SV2C: variants seen among roughly 807,000 people sequenced by gnomAD.
The protein encoded by SV2C is solute carrier family 22 member B3.
A neutral mutation model predicts 79.7 loss-of-function variants in SV2C; 49 were observed. The observed-to-expected ratio is 0.61, with a 90% CI of 0.49 to 0.78. The LOEUF (loss-of-function observed/expected upper bound fraction) is 0.78, where lower values mean the gene tolerates loss of function less well. Among genes scored for constraint, SV2C ranks in the 30% least tolerant of loss-of-function variants. The probability of loss-of-function intolerance (pLI) is 0.00; values close to 1 mark genes in which losing one functional copy is unlikely to be tolerated. For synonymous variants in SV2C, 334 were observed against 333.2 expected (o/e 1.00, Z -0.03); for missense variants, 833 against 912.9 (o/e 0.91, Z 1.13).
At chr5:75,998,606 G>T in the SV2C span, among the ~76,000 whole-genome samples, 1 of 151,836 alleles carries the variant, frequency 6.6e-6, no homozygotes, top group African/African-American at 2.4e-5. Flanking sequence ...GAACATGATA[G>T]TGTGTGTGTG....
chr5:75,955,218 C>T, the SV2C span, among the ~76,000 whole-genome samples: 1 of 151,236 alleles, frequency 6.6e-6, no homozygotes, highest in Non-Finnish European at 1.5e-5. Context: ...TGGAACAGAA[C>T]AGAGCCCTCA....
chr5:76,049,186 A>C, the SV2C span, among the ~76,000 whole-genome samples: 1,778 of 152,010 alleles, frequency 0.012, 40 homozygotes, highest in African/African-American at 0.041. Context: ...AACTACAAAA[A>C]ATTAGCTAGG....
At chr5:76,086,068 C>A (rs28620) in intron 1 of SV2C, among the ~76,000 whole-genome samples, 80,330 of 151,896 alleles carry the variant, frequency 0.53, 21,894 homozygotes, top group East Asian at 0.72. Flanking sequence ...GAGAAATCAG[C>A]TTTATTTTTC....
At chr5:76,218,777 A>G (rs1168184574) in intron 4 of SV2C, among the ~76,000 whole-genome samples, 1 of 878 alleles carries the variant, frequency 1.1e-3, no homozygotes, top group Non-Finnish European at 2.3e-3. Context: ...AAATAAAATA[A>G]TACAATTGCT....
the SV2C span, among the ~76,000 whole-genome samples, chr5:75,969,049 C>A: frequency 1.3e-5 from 2 of 152,090 alleles, no homozygotes; most frequent in Admixed American, 6.5e-5. Flanking sequence ...GAATTTTCAA[C>A]CCAGAATTTC....
At chr5:75,872,968 A>T in the SV2C span, among the ~76,000 whole-genome samples, 1 of 152,114 alleles carries the variant, frequency 6.6e-6, no homozygotes, top group Non-Finnish European at 1.5e-5. Flanking sequence ...GTAGAAAAAC[A>T]TAAATATGTA....
chr5:75,862,077 C>T, the SV2C span, among the ~76,000 whole-genome samples: 1 of 152,104 alleles, frequency 6.6e-6, no homozygotes, highest in African/African-American at 2.4e-5. Context: ...TAAATAAGTT[C>T]CCATTATTTG....
intron 2 of SV2C, among the ~76,000 whole-genome samples, chr5:76,137,781 C>T (rs1189441461): frequency 6.6e-6 from 1 of 152,166 alleles, no homozygotes; most frequent in African/African-American, 2.4e-5. Flanking sequence ...CTTCTCTAGA[C>T]ATGCCAATTA....
In SV2C at chr5:76,207,174, A is replaced by AG. The variant is rs576284591; in HGVS notation, c.762-2562_762-2561insG. Among the ~76,000 whole-genome samples, 10 of 152,060 alleles carry AG rather than the reference A, an allele frequency of 6.6e-5. No individual in the cohort carries two copies. In the South Asian group the frequency reaches 2.1e-3, roughly 32 times the overall value. Reference sequence around the variant, plus strand: ...AATTATAGCCACACTGCAAAAAAAAAAAAGAAAGAAAGAAATTATAGCCAC... The same window carrying AG: ...AATTATAGCCACACTGCAAAAAAAAAGAAAGAAAGAAAGAAATTATAGCCAC... On this transcript the variant is annotated intron_variant, in intron 3 of 12. Transcript: ENST00000502798.
At chr5:76,299,790 C>T (rs150344935) in intron 10 of SV2C, among the ~76,000 whole-genome samples, 6 of 152,248 alleles carry the variant, frequency 3.9e-5, no homozygotes, top group South Asian at 2.1e-4. Flanking sequence ...CCTCAGAAGA[C>T]GAACATTTTG....
At chr5:76,353,102 A>G in intron 12 of SV2C, 1 of 380,710 alleles carries the variant, frequency 2.6e-6, no homozygotes, top group South Asian at 1.6e-5. Context: ...CACCATGCCC[A>G]GCTAATTTTT....
At chr5:76,072,591 T>C in the SV2C span, among the ~76,000 whole-genome samples, 1 of 152,134 alleles carries the variant, frequency 6.6e-6, no homozygotes, top group South Asian at 2.1e-4. Context: ...TACACAGGAG[T>C]AGAGAAACTT....
chr5:75,904,400 C>CAG, the SV2C span, among the ~76,000 whole-genome samples: 7,840 of 138,730 alleles, frequency 0.057, 321 homozygotes, highest in African/African-American at 0.12. Context: ...AAAACAAACC[C>CAG]AGAGAGAGAG....
intron 4 of SV2C, among the ~76,000 whole-genome samples, chr5:76,271,489 A>G (rs1357851151): frequency 6.6e-6 from 1 of 152,218 alleles, no homozygotes; most frequent in Non-Finnish European, 1.5e-5. Context: ...GTATGTAGAC[A>G]CTGCACCCAA....
intron 1 of SV2C, among the ~76,000 whole-genome samples, chr5:76,096,438 A>C (rs1015553175): frequency 1.3e-5 from 2 of 152,132 alleles, no homozygotes; most frequent in African/African-American, 4.8e-5. Flanking sequence ...ACAATCATTT[A>C]TTTTCATCCA....
the SV2C span, among the ~76,000 whole-genome samples, chr5:75,897,624 T>A: frequency 6.6e-6 from 1 of 152,298 alleles, no homozygotes; most frequent in Non-Finnish European, 1.5e-5. Flanking sequence ...GGTAGCTTGA[T>A]GGAGATGACA....
At chr5:75,914,913 A>G in the SV2C span, among the ~76,000 whole-genome samples, 1 of 152,228 alleles carries the variant, frequency 6.6e-6, no homozygotes, top group Admixed American at 6.5e-5. Flanking sequence ...ACAGTTCCAC[A>G]TAGCTGAGGA....
In SV2C at chr5:76,318,768, C is replaced by G. The variant is rs116764229; in HGVS notation, c.2001-6596C>G. Reference sequence around the variant, plus strand: ...CTGGCTGAAGAGATGAGAAGCAAAGCATGGAGCAATAGAATGACACTAGAT... The same window carrying G: ...CTGGCTGAAGAGATGAGAAGCAAAGGATGGAGCAATAGAATGACACTAGAT... On this transcript the variant is annotated intron_variant, in intron 12 of 12. Transcript: ENST00000502798. Among the ~76,000 whole-genome samples the G allele has an allele frequency of 8.2e-3, 1,245 of 152,304 alleles. 12 individuals carry two copies. The highest frequency in any genetic ancestry group is 0.024 in the African/African-American group (1,012 of 41,562).
intron 12 of SV2C, among the ~76,000 whole-genome samples, chr5:76,345,685 A>G (rs1749524525): frequency 6.6e-6 from 1 of 152,212 alleles, no homozygotes; most frequent in African/African-American, 2.4e-5. Context: ...ACAATTACAG[A>G]GCATTTAATA....
Sources: allele counts gnomAD v4.1 joint callset (sites outside exome capture counted in the v4.1 genomes callset), GRCh38; gene constraint gnomAD v4.1.1; transcripts MANE v1.5; gene names NCBI Gene and HGNC (gene_info 2026-07-23, HGNC 2026-07-21).